The following STK3 variants were observed in gnomAD, a reference collection of about 807,000 sequenced individuals.
STK3 encodes the protein serine/threonine-protein kinase 3.
STK3 carries 41 observed loss-of-function variants against 58.0 expected under a neutral mutation model. That is an observed-to-expected ratio of 0.71 (90% CI 0.55 to 0.92). The LOEUF (loss-of-function observed/expected upper bound fraction) is 0.92. Ranked by LOEUF, STK3 falls within the 40% of genes least tolerant of loss-of-function variation. The probability of loss-of-function intolerance (pLI) is 0.00; values close to 1 mark genes in which losing one functional copy is unlikely to be tolerated. For missense variants in STK3, 479 were observed against 602.7 expected (o/e 0.79, Z 2.15); for synonymous variants, 170 against 191.0 (o/e 0.89, Z 0.91).
intron 6 of STK3, among the ~76,000 whole-genome samples, chr8:98,647,717 GGC>G (rs1820510503): frequency 6.6e-6 from 1 of 152,076 alleles, no homozygotes; most frequent in Admixed American, 6.6e-5. Context: ...ATGTTTCCAA[GGC>G]TGGTGTTGAA....
At chr8:98,692,969 T>C (rs933410543) in intron 6 of STK3, among the ~76,000 whole-genome samples, 1 of 151,990 alleles carries the variant, frequency 6.6e-6, no homozygotes, top group African/African-American at 2.4e-5. Context: ...AAAAATACAA[T>C]TTATGCAGAT....
intron 6 of STK3, among the ~76,000 whole-genome samples, chr8:98,615,060 T>C (rs540618868): frequency 6.6e-6 from 1 of 152,066 alleles, no homozygotes; most frequent in South Asian, 2.1e-4. Flanking sequence ...TAAATGTCCC[T>C]GTCTGACAGC....
intron 4 of STK3, 68 bp from the exon 5 acceptor site, chr8:98,707,379 TAGTAACA>T (rs971931198): frequency 1.0e-5 from 12 of 1,177,172 alleles, no homozygotes; most frequent in Non-Finnish European, 1.4e-5. Flanking sequence ...GAAAGAGCAC[TAGTAACA>T]AGTATGTCTT....
intron 8 of STK3, among the ~76,000 whole-genome samples, chr8:98,570,984 G>C (rs1255516660): frequency 1.3e-5 from 2 of 152,104 alleles, no homozygotes; most frequent in Admixed American, 6.6e-5. Context: ...GGACTGACTT[G>C]GGCTAATTCT....
chr8:98,354,589 G>A, the STK3 span, among the ~76,000 whole-genome samples: 1 of 152,146 alleles, frequency 6.6e-6, no homozygotes, highest in Non-Finnish European at 1.5e-5. Context: ...CAGTTATTTG[G>A]AGGTTTTCTG....
At chr8:98,624,622 C>A (rs1187170915) in intron 6 of STK3, among the ~76,000 whole-genome samples, 1 of 151,946 alleles carries the variant, frequency 6.6e-6, no homozygotes, top group Admixed American at 6.6e-5. Flanking sequence ...GAGACCAAGG[C>A]GGGTGGGATC....
chr8:98,757,330 G>A (rs1019716105), intron 3 of STK3, among the ~76,000 whole-genome samples: 2 of 149,002 alleles, frequency 1.3e-5, no homozygotes, highest in Admixed American at 6.7e-5. Flanking sequence ...ACAGGCACCC[G>A]CCACCATGCC....
At chr8:98,853,381 C>T (rs1220519334) in intron 3 of STK3, among the ~76,000 whole-genome samples, 2 of 152,132 alleles carry the variant, frequency 1.3e-5, no homozygotes, top group African/African-American at 2.4e-5. Context: ...GGTTCAGTAC[C>T]AGGGAGTGAG....
intron 4 of STK3, among the ~76,000 whole-genome samples, chr8:98,713,191 T>C (rs537837889): frequency 1.8e-3 from 271 of 152,192 alleles, no homozygotes; most frequent in Admixed American, 3.6e-3. Context: ...AGGAAAGATC[T>C]AAAATTGACA....
chr8:98,645,336 A>G (rs543486133), intron 6 of STK3, among the ~76,000 whole-genome samples: 4 of 152,248 alleles, frequency 2.6e-5, no homozygotes, highest in African/African-American at 9.6e-5. Flanking sequence ...GCTTCAAAAC[A>G]TTTTCAGAAT....
At chr8:98,845,938 C>A (rs1472769317) in intron 3 of STK3, among the ~76,000 whole-genome samples, 1 of 152,198 alleles carries the variant, frequency 6.6e-6, no homozygotes, top group Non-Finnish European at 1.5e-5. Flanking sequence ...TGCCTTTAAG[C>A]CATGGTCAAG....
At chr8:98,847,719 T>G (rs1304005557) in intron 3 of STK3, among the ~76,000 whole-genome samples, 1 of 151,912 alleles carries the variant, frequency 6.6e-6, no homozygotes, top group African/African-American at 2.4e-5. Flanking sequence ...AAAAAAAGGT[T>G]TTTTTTTGTT....
chr8:98,356,243 G>C, the STK3 span, among the ~76,000 whole-genome samples: 4 of 152,196 alleles, frequency 2.6e-5, no homozygotes, highest in African/African-American at 9.7e-5. Context: ...CTTCAGAAAG[G>C]AAAGTGCTGT....
At chr8:98,627,713 C>T (rs377218369) in intron 6 of STK3, among the ~76,000 whole-genome samples, 253 of 152,106 alleles carry the variant, frequency 1.7e-3, no homozygotes, top group African/African-American at 5.8e-3. Flanking sequence ...TATAAATTAC[C>T]CAGCTTCAGG....
chr8:98,407,753 T>TGC (rs1243907122), intron 3 of STK3, among the ~76,000 whole-genome samples: 18 of 111,054 alleles, frequency 1.6e-4, no homozygotes, highest in African/African-American at 4.8e-4. Flanking sequence ...TGTGTGTGTG[T>TGC]GTGTGCGCGC....
chr8:98,911,404 TTATTTTGGAGAGAGGGTC>T (rs1839127918), intron 1 of STK3, among the ~76,000 whole-genome samples: 2 of 152,232 alleles, frequency 1.3e-5, no homozygotes, highest in South Asian at 4.1e-4. Context: ...ATTTATTTAT[TTATTTTGGAGAGAGGGTC>T]TTGCTCTGTT....
downstream of STK3, among the ~76,000 whole-genome samples, chr8:98,398,005 T>A (rs1023770037): frequency 6.6e-6 from 1 of 152,220 alleles, no homozygotes; most frequent in African/African-American, 2.4e-5. Flanking sequence ...TAGTTCTTTA[T>A]AGCTGTGTGA....
At chr8:98,747,838 G>A (rs192639347) in intron 4 of STK3, among the ~76,000 whole-genome samples, 5 of 152,108 alleles carry the variant, frequency 3.3e-5, no homozygotes, top group Admixed American at 6.6e-5. Context: ...TTGTGTGAGC[G>A]TAACAACTAT....
chr8:98,664,496 T>C (rs751644911), intron 6 of STK3, among the ~76,000 whole-genome samples: 2 of 152,224 alleles, frequency 1.3e-5, no homozygotes, highest in African/African-American at 2.4e-5. Flanking sequence ...ATACTATTGC[T>C]GTACAATGCC....
Sources: allele counts gnomAD v4.1 joint callset (sites outside exome capture counted in the v4.1 genomes callset), GRCh38; gene constraint gnomAD v4.1.1; transcripts MANE v1.5; gene names NCBI Gene and HGNC (gene_info 2026-07-23, HGNC 2026-07-21).